CADM2: variants seen among roughly 807,000 people sequenced by gnomAD.
The protein encoded by CADM2 is cell adhesion molecule 2.
A neutral mutation model predicts 49.8 loss-of-function variants in CADM2; 12 were observed. The ratio of observed to expected loss-of-function variants is 0.24; its 90% confidence interval spans 0.15 to 0.39. The LOEUF is 0.39. Ranked by LOEUF, CADM2 falls within the 10% of genes least tolerant of loss-of-function variation. The pLI, the probability that CADM2 is intolerant of heterozygous loss-of-function variation, is 1.00. For missense variants in CADM2, 378 were observed against 492.3 expected, an observed-to-expected ratio of 0.77 and a Z score of 2.20; for synonymous variants, 214 against 175.4, an observed-to-expected ratio of 1.22 and a Z score of -1.74.
rs570695614 is a variant in CADM2 at position 86,032,157 on chromosome 3, ACT to A, written c.971-33445_971-33444del. Among the ~76,000 whole-genome samples the A allele has an allele frequency of 3.0e-3, 462 of 151,824 alleles. 3 individuals are homozygous for A. Among genetic ancestry groups the A allele is most frequent in the African/African-American group, 1.0e-2 (415 of 41,510 alleles). ...CACCAATTAAATGAGCAACATATAG[ACT>A]CTTATCACAGTATGGTTTAAATACA... is the stretch of plus-strand genomic sequence containing the variant. On this transcript the variant is annotated intron_variant, in intron 8 of 9. Transcript: ENST00000383699.
chr3:85,945,072 G>C (rs986148971), intron 7 of CADM2, among the ~76,000 whole-genome samples: 22 of 151,642 alleles, frequency 1.5e-4, no homozygotes, highest in African/African-American at 5.1e-4. Flanking sequence ...TCAAATAGAT[G>C]CAATAAAAAA....
chr3:85,231,204 G>A (rs2042278867), intron 1 of CADM2, among the ~76,000 whole-genome samples: 1 of 151,738 alleles, frequency 6.6e-6, no homozygotes, highest in Non-Finnish European at 1.5e-5. Flanking sequence ...CATATTCTGA[G>A]TGTTATTCAA....
rs554780077 is a variant in CADM2, at chr3:85,156,070, A to G, written c.61+196402A>G. Among the ~76,000 whole-genome samples, 815 of 152,306 alleles carry G rather than the reference A, an allele frequency of 5.4e-3. 8 individuals carry two copies. The highest frequency in any genetic ancestry group is 0.017 in the Middle Eastern group (5 of 294). The stretch of plus-strand genomic sequence containing the variant: ...AACATCACAATTAAAAGAACTAGAA[A>G]AACAAGAGCAAACACATTCAAAAGC... On this transcript the variant is annotated intron_variant, in intron 1 of 9. Coordinates refer to ENST00000383699, the MANE Select transcript of CADM2 (RefSeq NM_001167675.2).
chr3:85,037,951 G>A (rs943801580), intron 1 of CADM2, among the ~76,000 whole-genome samples: 3 of 151,196 alleles, frequency 2.0e-5, no homozygotes, highest in African/African-American at 7.3e-5. Context: ...GCTAATATTA[G>A]CCTCACTGGT....
At position 85,999,165 on chromosome 3, in the gene CADM2, A is replaced by G. The variant is rs147008981; in HGVS notation, c.970+37518A>G. On this transcript the variant is annotated intron_variant, in intron 8 of 9. Transcript: ENST00000383699. ...CAATTACAGCAAGACTCATAGCACC[A>G]AATGTTTCAGAGAGGCCAAGTGTGA... Among the ~76,000 whole-genome samples the G allele has an allele frequency of 3.1e-3, 465 of 152,146 alleles. 3 individuals carry two copies. The highest frequency in any genetic ancestry group is 0.011 in the African/African-American group (457 of 41,518).
intron 1 of CADM2, among the ~76,000 whole-genome samples, chr3:85,210,022 C>G (rs1262748658): frequency 1.3e-5 from 2 of 152,104 alleles, no homozygotes; most frequent in Non-Finnish European, 2.9e-5. Flanking sequence ...AAAATAGAAA[C>G]TTAAAGGAAA....
chr3:85,980,722 T>C (rs761847202), intron 8 of CADM2, among the ~76,000 whole-genome samples: 194 of 151,590 alleles, frequency 1.3e-3, no homozygotes, highest in Non-Finnish European at 1.8e-3. Context: ...TGTGATGCTC[T>C]GTAAGGTTTT....
At chr3:85,174,161 C>T (rs2107690193) in intron 1 of CADM2, among the ~76,000 whole-genome samples, 1 of 152,268 alleles carries the variant, frequency 6.6e-6, no homozygotes, top group South Asian at 2.1e-4. Context: ...TTCAATTGAA[C>T]TGGAAGTTGC....
intron 1 of CADM2, among the ~76,000 whole-genome samples, chr3:85,042,792 G>C (rs1342682917): frequency 6.6e-6 from 1 of 152,110 alleles, no homozygotes; most frequent in Non-Finnish European, 1.5e-5. Flanking sequence ...ATGGTGTAGG[G>C]AGGAGGCTCA....
At chr3:86,062,485 G>A (rs985745078) in intron 8 of CADM2, among the ~76,000 whole-genome samples, 1 of 151,938 alleles carries the variant, frequency 6.6e-6, no homozygotes, top group African/African-American at 2.4e-5. Flanking sequence ...CATTTCAAAG[G>A]TGTATTGTTA....
intron 1 of CADM2, among the ~76,000 whole-genome samples, chr3:85,404,528 T>C (rs1337937252): frequency 6.6e-6 from 1 of 152,178 alleles, no homozygotes; most frequent in Non-Finnish European, 1.5e-5. Flanking sequence ...AGTATTTATT[T>C]TTGTTGAGTG....
chr3:85,822,657 C>T lies in CADM2; in HGVS notation c.238+20461C>T, dbSNP rs114899851. ...AAATTTTACCACATTTTCAAAAATT[C>T]ATCATCAGTCCTGCATTAGTAGCCT... On this transcript the variant is annotated intron_variant, in intron 3 of 9. Coordinates refer to ENST00000383699, the MANE Select transcript of CADM2 (RefSeq NM_001167675.2). Among the ~76,000 whole-genome samples, 1,027 of 152,170 alleles carry T rather than the reference C, an allele frequency of 6.7e-3. 7 individuals carry two copies. The highest frequency in any genetic ancestry group is 0.02 in the Middle Eastern group (6 of 294).
intron 1 of CADM2, among the ~76,000 whole-genome samples, chr3:85,448,332 CAAAAAA>C (rs57338759): frequency 0.27 from 34,973 of 128,838 alleles, 4,462 homozygotes; most frequent in South Asian, 0.4. Flanking sequence ...GATTCCGTCT[CAAAAAA>C]AAAAAAAAAA....
At chr3:85,955,032 A>G (rs1244609430) in intron 7 of CADM2, among the ~76,000 whole-genome samples, 1 of 151,360 alleles carries the variant, frequency 6.6e-6, no homozygotes, top group Non-Finnish European at 1.5e-5. Flanking sequence ...AAGCCAGTAG[A>G]CATCTTCCTA....
intron 1 of CADM2, among the ~76,000 whole-genome samples, chr3:85,536,802 G>A (rs916100906): frequency 6.6e-6 from 1 of 151,782 alleles, no homozygotes; most frequent in Admixed American, 6.6e-5. Flanking sequence ...AATGACTTTA[G>A]ACTATTATAT....
At position 85,546,999 on chromosome 3, in the gene CADM2, AAAG is replaced by A. The variant is rs551870337; in HGVS notation, c.62-179520_62-179518del. ...AGCTTTTTATGGTTAAAATGAAAGA[AAAG>A]AAATTTATTTTTCTTATTTTTTTAA... is the stretch of plus-strand genomic sequence containing the variant. On this transcript the variant is annotated intron_variant, in intron 1 of 9. Coordinates refer to ENST00000383699, the MANE Select transcript of CADM2 (RefSeq NM_001167675.2). Among the ~76,000 whole-genome samples, 12 of 152,250 alleles carry A rather than the reference AAAG, an allele frequency of 7.9e-5. No homozygotes were observed. In the South Asian group the frequency reaches 1.2e-3, roughly 16 times the overall value.
chr3:86,029,425 T>C (rs570613089), intron 8 of CADM2, among the ~76,000 whole-genome samples: 1 of 152,072 alleles, frequency 6.6e-6, no homozygotes, highest in Admixed American at 6.6e-5. Context: ...TAATAGATCG[T>C]TATTTGTGGG....
rs181814493 is a variant in CADM2, at chr3:85,525,070, G to T, written c.62-201452G>T. Among the ~76,000 whole-genome samples, 53 of 152,190 alleles carry T rather than the reference G, an allele frequency of 3.5e-4. No homozygotes were observed. The East Asian group carries it at 8.7e-3, about 25-fold the overall frequency. On this transcript the variant is annotated intron_variant, in intron 1 of 9. Transcript: ENST00000383699. The stretch of plus-strand genomic sequence containing the variant: ...TACATAACGTAGATGACAGGCTGAT[G>T]GGTGCGGCAAACCACAATGGCACCT...
At chr3:85,258,579 A>G (rs2042942344) in intron 1 of CADM2, among the ~76,000 whole-genome samples, 1 of 152,112 alleles carries the variant, frequency 6.6e-6, no homozygotes, top group South Asian at 2.1e-4. Context: ...AGAAAGCCAC[A>G]GAAGGAAGCC....
Sources: gnomAD v4.1 joint callset for allele counts (sites outside exome capture counted in the v4.1 genomes callset) on GRCh38, gnomAD v4.1.1 for gene constraint, MANE v1.5 for transcripts, NCBI Gene and HGNC (gene_info 2026-07-23, HGNC 2026-07-21) for gene names.